SUFU: variants seen among roughly 807,000 people sequenced by gnomAD.
SUFU encodes SUFU negative regulator of hedgehog signaling.
Under a neutral mutation model 58.9 loss-of-function variants are expected in SUFU, and 7 were observed. The ratio of observed to expected loss-of-function variants is 0.12; its 90% CI spans 0.07 to 0.22. The LOEUF is 0.22. Among genes scored for constraint, SUFU ranks in the 10% least tolerant of loss-of-function variants. The probability of loss-of-function intolerance (pLI) is 1.00; values close to 1 mark genes in which losing one functional copy is unlikely to be tolerated. For synonymous variants in SUFU, 232 were observed against 254.8 expected, an observed-to-expected ratio of 0.91 and a Z score of 0.85; for missense variants, 451 against 641.3, an observed-to-expected ratio of 0.70 and a Z score of 3.20.
intron 2 of SUFU, among the ~76,000 whole-genome samples, chr10:102,542,282 G>A (rs1161312332): frequency 4.6e-5 from 7 of 151,206 alleles, no homozygotes; most frequent in Non-Finnish European, 8.8e-5. Flanking sequence ...ACAGGTGCAC[G>A]CCACCACTCC....
At chr10:102,573,530 T>G (rs1284225337) in intron 3 of SUFU, among the ~76,000 whole-genome samples, 2 of 152,238 alleles carry the variant, frequency 1.3e-5, no homozygotes, top group African/African-American at 4.8e-5. Flanking sequence ...CAGATATTTG[T>G]GCACCAGTTT....
rs762353424 is a variant in SUFU, at chr10:102,627,155, C to A, written c.1297-20C>A. On this transcript the variant is annotated intron_variant, in intron 10 of 11. Coordinates refer to ENST00000369902, the MANE Select transcript of SUFU (RefSeq NM_016169.4). ...ATACATTTAAAAATAATAATAAAAG[C>A]CTGCCTTGTGCCTTCACAGATTCTG... 6.2e-6 allele frequency: 10 copies of A among 1,613,730 alleles called. No homozygotes were observed. Among genetic ancestry groups the A allele is most frequent in the Non-Finnish European group, 8.5e-6 (10 of 1,179,632 alleles).
chr10:102,556,501 G>C (rs2062978771), intron 3 of SUFU, among the ~76,000 whole-genome samples: 1 of 152,138 alleles, frequency 6.6e-6, no homozygotes. Context: ...CCAGCACTTT[G>C]GGAGGCCGAG....
chr10:102,528,032 C>G (rs1217254946), intron 2 of SUFU, among the ~76,000 whole-genome samples: 1 of 152,096 alleles, frequency 6.6e-6, no homozygotes, highest in Non-Finnish European at 1.5e-5. Context: ...AAGCCAAAGC[C>G]AAGAGTGGGA....
chr10:102,575,130 C>T (rs1307845480), intron 3 of SUFU, among the ~76,000 whole-genome samples: 1 of 151,916 alleles, frequency 6.6e-6, no homozygotes, highest in Non-Finnish European at 1.5e-5. Context: ...GGAAGGATTG[C>T]TTGAGCCTAG....
In SUFU at chr10:102,622,407, C is replaced by T. The variant is rs544909322; in HGVS notation, c.1297-4768C>T. ...GGTGGATCATCTGAGGTCGGGAGTT[C>T]GAGACCAGCCTGACCAATGTGGAGA... is the stretch of plus-strand genomic sequence containing the variant. On this transcript the variant is annotated intron_variant, in intron 10 of 11. Transcript: ENST00000369902. Among the ~76,000 whole-genome samples, 15 of 151,878 alleles carry T rather than the reference C, an allele frequency of 9.9e-5. No homozygotes were observed. The East Asian group carries it at 1.4e-3, about 14-fold the overall frequency.
At chr10:102,558,479 A>G (rs987028390) in intron 3 of SUFU, among the ~76,000 whole-genome samples, 2 of 152,164 alleles carry the variant, frequency 1.3e-5, no homozygotes, top group South Asian at 2.1e-4. Flanking sequence ...CCAAAGTGCT[A>G]GGACTACACA....
In SUFU at chr10:102,627,177, T is replaced by C. The variant is rs17114803; in HGVS notation, c.1299T>C (p.Ile433=). 0.11 allele frequency: 184,674 copies of C among 1,613,514 alleles called. 15,918 individuals carry two copies. Among genetic ancestry groups the C allele is most frequent in the East Asian group, 0.44 (19,880 of 44,868 alleles). The change falls in exon 11 of 12, where the codon ATT becomes ATC. Residue 433 remains isoleucine (I), a splice_region_variant and synonymous_variant. Transcript: ENST00000369902. ...PYAAHGPWLQ[I]LLTEEFVEKM... is the part of the protein sequence containing the mutation. ...AAGCCTGCCTTGTGCCTTCACAGAT[T>C]CTGTTGACCGAAGAGTTTGTAGAGA...
chr10:102,513,007 G>A (rs1317310075), intron 2 of SUFU, among the ~76,000 whole-genome samples: 3 of 152,044 alleles, frequency 2.0e-5, no homozygotes, highest in Non-Finnish European at 4.4e-5. Context: ...GTTTGAAGCT[G>A]CAGTAAGCCA....
In SUFU at chr10:102,630,539, C is replaced by G; in HGVS notation, c.*384C>G. 1 of 406,966 alleles carries G rather than the reference C, an allele frequency of 2.5e-6. No individual in the cohort carries two copies. The allele number at this position is 406,966 out of a possible 1,614,324, so 25.2% of individuals were successfully genotyped here. A position where few individuals can be genotyped will look rare whatever the true frequency, so the allele number is the denominator to read the frequency against. ...CACAGCCCAGCAGGAGGGAGGCGGA[C>G]AGCCAGATGCAGAGCGAGTGGATGC... On this transcript the variant is annotated 3_prime_UTR_variant, in exon 12 of 12. Coordinates refer to ENST00000369902, the MANE Select transcript of SUFU (RefSeq NM_016169.4).
chr10:102,556,064 T>C (rs1279440880), intron 3 of SUFU, among the ~76,000 whole-genome samples: 1 of 152,210 alleles, frequency 6.6e-6, no homozygotes, highest in Non-Finnish European at 1.5e-5. Flanking sequence ...AGACCTGCTT[T>C]TCCAGATCTA....
At chr10:102,523,641 G>C (rs1470002860) in intron 2 of SUFU, among the ~76,000 whole-genome samples, 1 of 152,214 alleles carries the variant, frequency 6.6e-6, no homozygotes, top group Non-Finnish European at 1.5e-5. Flanking sequence ...TTGCAGACAT[G>C]CTGAATTCCC....
At chr10:102,569,316 G>A (rs1390171963) in intron 3 of SUFU, among the ~76,000 whole-genome samples, 1 of 152,142 alleles carries the variant, frequency 6.6e-6, no homozygotes, top group South Asian at 2.1e-4. Flanking sequence ...TCCAGGCACT[G>A]AGGAAGCACT....
chr10:102,600,667 A>G (rs4919662), intron 8 of SUFU, among the ~76,000 whole-genome samples: 151,936 of 152,200 alleles, frequency 1, 75,837 homozygotes, highest in East Asian at 1. Context: ...CCTTGAGGGC[A>G]CCTTAGAATT....
chr10:102,601,501 T>C (rs1341722830), intron 8 of SUFU, among the ~76,000 whole-genome samples: 1 of 152,214 alleles, frequency 6.6e-6, no homozygotes, highest in Non-Finnish European at 1.5e-5. Flanking sequence ...GAAGGTTTAG[T>C]GCCCAGTAAG....
At chr10:102,589,357 G>C (rs984233920) in intron 3 of SUFU, among the ~76,000 whole-genome samples, 12 of 150,762 alleles carry the variant, frequency 8.0e-5, no homozygotes, top group South Asian at 4.2e-4. Context: ...CATTCCTTAA[G>C]GTTTTCTGTA....
At chr10:102,554,277 C>T (rs916680490) in intron 3 of SUFU, among the ~76,000 whole-genome samples, 2 of 152,074 alleles carry the variant, frequency 1.3e-5, no homozygotes, top group African/African-American at 4.8e-5. Flanking sequence ...GTGGTGGACA[C>T]CTGTAATCCC....
intron 8 of SUFU, among the ~76,000 whole-genome samples, chr10:102,605,075 C>T (rs887651178): frequency 7.2e-5 from 11 of 152,072 alleles, no homozygotes; most frequent in South Asian, 2.1e-4. Flanking sequence ...CACACCACCA[C>T]GTCCAGCTAA....
intron 3 of SUFU, among the ~76,000 whole-genome samples, chr10:102,591,302 C>T (rs1804657690): frequency 6.6e-6 from 1 of 152,110 alleles, no homozygotes; most frequent in African/African-American, 2.4e-5. Flanking sequence ...AGATCGAGGC[C>T]ATCCTGGCTA....
Sources: allele counts gnomAD v4.1 joint callset (sites outside exome capture counted in the v4.1 genomes callset), GRCh38; gene constraint gnomAD v4.1.1; transcripts MANE v1.5; gene names NCBI Gene and HGNC (gene_info 2026-07-23, HGNC 2026-07-21).